CTBP2: variants seen among roughly 807,000 people sequenced by gnomAD.
CTBP2 encodes C-terminal-binding protein 2.
In CTBP2, 30 loss-of-function variants were observed where a neutral mutation model predicts 80.3. The ratio of observed to expected loss-of-function variants is 0.37; its 90% CI spans 0.28 to 0.51. The LOEUF is 0.51. CTBP2 is among the 20% of genes least tolerant of loss of function. The probability of loss-of-function intolerance (pLI) is 0.93; values close to 1 mark genes in which losing one functional copy is unlikely to be tolerated. For synonymous variants in CTBP2, 594 were observed against 587.4 expected (o/e 1.01, Z -0.16); for missense variants, 1,212 against 1,375.3 (o/e 0.88, Z 1.88).
intron 2 of CTBP2, among the ~76,000 whole-genome samples, chr10:125,110,133 C>A (rs920884730): frequency 5.9e-5 from 9 of 152,194 alleles, no homozygotes; most frequent in African/African-American, 2.2e-4. Flanking sequence ...CTCTGGGAAC[C>A]AAAGCTAGTC....
At chr10:125,025,091 A>G (rs1957404649) in intron 1 of CTBP2, among the ~76,000 whole-genome samples, 1 of 152,068 alleles carries the variant, frequency 6.6e-6, no homozygotes, top group South Asian at 2.1e-4. Context: ...CTTCAGGGCT[A>G]TTTTCAAAAA....
At position 125,027,271 on chromosome 10, in the gene CTBP2, G is replaced by A; in HGVS notation, c.489C>T (p.His163=). The A allele has an allele frequency of 2.5e-6, 4 of 1,613,696 alleles. No individual in the cohort carries two copies. Among genetic ancestry groups the A allele is most frequent in the South Asian group, 2.2e-5 (2 of 91,084 alleles). ...TTTTACCTCCAGGATCCCGGTACAG[G>A]TGACCGGCGTCCTGCAGGGCAGGTG... The change falls in exon 1 of 9, where the codon CAC becomes CAT. Residue 163 remains histidine, a synonymous_variant. Transcript: ENST00000309035.
intron 2 of CTBP2, among the ~76,000 whole-genome samples, chr10:125,104,294 T>G (rs1851110728): frequency 6.6e-6 from 1 of 152,252 alleles, no homozygotes; most frequent in Non-Finnish European, 1.5e-5. Flanking sequence ...TGTCATCAGA[T>G]GCTCTGCACT....
At chr10:125,040,717 T>C (rs926877825) in intron 2 of CTBP2, among the ~76,000 whole-genome samples, 4 of 152,068 alleles carry the variant, frequency 2.6e-5, no homozygotes, top group African/African-American at 9.7e-5. Flanking sequence ...GATAATGATG[T>C]ACGGTCATCA....
rs540638533 is a variant in CTBP2, at chr10:125,132,513, G to A, written c.-205-21420C>T. Among the ~76,000 whole-genome samples the A allele has an allele frequency of 4.3e-4, 66 of 152,262 alleles. No individual in the cohort carries two copies. In the South Asian group the frequency reaches 0.013, roughly 30 times the overall value. On this transcript the variant is annotated intron_variant, in intron 1 of 10. Coordinates refer to the CTBP2 transcript ENST00000337195. ...AGCAGTCAAACAGCTGGCGAGGGGC[G>A]GAGTTGGAGGAGGAGGATTTCCAAC...
chr10:125,104,204 A>G (rs922844466), intron 2 of CTBP2, among the ~76,000 whole-genome samples: 1 of 152,192 alleles, frequency 6.6e-6, no homozygotes, highest in African/African-American at 2.4e-5. Flanking sequence ...GGCCTGGAGA[A>G]AGGACGGAAC....
intron 1 of CTBP2, among the ~76,000 whole-genome samples, chr10:125,126,680 T>C (rs1855315885): frequency 6.6e-6 from 1 of 152,242 alleles, no homozygotes; most frequent in African/African-American, 2.4e-5. Context: ...TCTGCTCCCC[T>C]AGGCGCCAAC....
In CTBP2 at chr10:124,985,029, A is replaced by C. The variant is rs1363546539; in HGVS notation, c.*4489T>G. The C allele has an allele frequency of 6.7e-7, 1 of 1,494,216 alleles. No homozygotes were observed. Among genetic ancestry groups the C allele is most frequent in the South Asian group, 1.2e-5 (1 of 84,272 alleles). The allele number at this position is 1,494,216 out of a possible 1,614,324, so 92.6% of individuals were successfully genotyped here. A position where few individuals can be genotyped will look rare whatever the true frequency, so the allele number is the denominator to read the frequency against. ...AAACAGCAGAAGACCAAGGCATCAGATCTGTAATGACCCTAAAGTTAGTGT... is the reference window on the plus strand; with the variant it reads ...AAACAGCAGAAGACCAAGGCATCAGCTCTGTAATGACCCTAAAGTTAGTGT... On this transcript the variant is annotated 3_prime_UTR_variant, in exon 9 of 9. Transcript: ENST00000309035.
intron 2 of CTBP2, among the ~76,000 whole-genome samples, chr10:125,067,629 T>C (rs957475851): frequency 3.3e-5 from 5 of 152,230 alleles, no homozygotes; most frequent in African/African-American, 1.2e-4. Flanking sequence ...AGGCAAAGGA[T>C]ATAATGTAAA....
chr10:125,121,968 C>T (rs928935932), intron 1 of CTBP2, among the ~76,000 whole-genome samples: 1 of 152,212 alleles, frequency 6.6e-6, no homozygotes, highest in Non-Finnish European at 1.5e-5. Context: ...AAAAGCCAAA[C>T]TCCAGACCAA....
At chr10:125,049,709 CA>C (rs577338697) in intron 2 of CTBP2, among the ~76,000 whole-genome samples, 37 of 152,216 alleles carry the variant, frequency 2.4e-4, no homozygotes, top group African/African-American at 8.2e-4. Context: ...GCTATCAAAG[CA>C]AACGCTGGCT....
intron 3 of CTBP2, among the ~76,000 whole-genome samples, chr10:125,002,310 G>C (rs1366487391): frequency 2.6e-5 from 4 of 152,230 alleles, no homozygotes; most frequent in Admixed American, 6.5e-5. Context: ...GCTCACACGG[G>C]GTGCTGGGCA....
At chr10:125,008,644 C>CA (rs754619498) in intron 1 of CTBP2, among the ~76,000 whole-genome samples, 23 of 152,382 alleles carry the variant, frequency 1.5e-4, no homozygotes, top group African/African-American at 4.1e-4. Flanking sequence ...CAGAAGGTGT[C>CA]AGAGTGCTGC....
Position 125,026,536 on chromosome 10 carries a change from G to C in CTBP2, c.1224C>G (p.Ser408Arg). 1 of 1,587,494 alleles carries C rather than the reference G, an allele frequency of 6.3e-7. No individual in the cohort carries two copies. Among genetic ancestry groups the C allele is most frequent in the Non-Finnish European group, 8.6e-7 (1 of 1,167,530 alleles). Residue 408 changes from serine (S) to arginine (R), a missense_variant, in exon 1 of 9, where the codon AGC (serine) becomes AGG (arginine). By Grantham distance (110) the Ser-to-Arg change is moderately radical (BLOSUM62 -1). Transcript: ENST00000309035. ...TCTCCAGGAGGTGCTGAGATGGTGC[G>C]CTGGAGGGACGGCGAGCCGGGTCTC...
chr10:125,067,472 A>T (rs946997372), intron 2 of CTBP2, among the ~76,000 whole-genome samples: 7 of 152,340 alleles, frequency 4.6e-5, no homozygotes, highest in African/African-American at 1.7e-4. Context: ...TAATAAGGAA[A>T]CTAGGTGAGG....
At chr10:125,029,604 T>C (rs1028902205), upstream of CTBP2, among the ~76,000 whole-genome samples, 4 of 152,148 alleles carry the variant, frequency 2.6e-5, no homozygotes, top group African/African-American at 4.8e-5. Context: ...TTCCTCCCCT[T>C]GTTGTAATGA....
At position 124,993,327 on chromosome 10, in the gene CTBP2, A is replaced by T; in HGVS notation, c.2534T>A (p.Phe845Tyr). 6.2e-7 allele frequency: 1 copy of T among 1,606,186 alleles called. No individual in the cohort carries two copies. Among genetic ancestry groups the T allele is most frequent in the Non-Finnish European group, 8.5e-7 (1 of 1,173,528 alleles). Reference sequence around the variant, plus strand: ...GGCATCTTTCAACGGACCCTGAGCAAAGCTAGAAAAATGTAGAAAAAACAG... The same window carrying T: ...GGCATCTTTCAACGGACCCTGAGCATAGCTAGAAAAATGTAGAAAAAACAG... Residue 845 changes from phenylalanine (F) to tyrosine (Y), a missense_variant and splice_region_variant, in exon 7 of 9, where the codon TTT becomes TAT. This residue lies in a region of CTBP2 where 335 missense variants were observed against 504.7 expected (regional missense o/e 0.66). Coordinates refer to ENST00000309035, the MANE Select transcript of CTBP2 (RefSeq NM_022802.3).
intron 1 of CTBP2, among the ~76,000 whole-genome samples, chr10:125,144,100 C>G (rs1470118076): frequency 3.3e-5 from 5 of 152,206 alleles, no homozygotes; most frequent in African/African-American, 4.8e-5. Context: ...AAGGGGCAAA[C>G]AGAGTCCCTT....
intron 4 of CTBP2, among the ~76,000 whole-genome samples, chr10:124,994,906 T>C (rs1319080900): frequency 6.6e-6 from 1 of 152,236 alleles, no homozygotes; most frequent in Non-Finnish European, 1.5e-5. Flanking sequence ...TTGCTGCTTA[T>C]ATTGGGTACA....
Sources: allele counts gnomAD v4.1 joint callset (sites outside exome capture counted in the v4.1 genomes callset), GRCh38; gene constraint gnomAD v4.1.1; regional missense constraint gnomAD v4.1.1; transcripts MANE v1.5; gene names NCBI Gene and HGNC (gene_info 2026-07-23, HGNC 2026-07-21).